The following TAFA5 variants were observed in gnomAD, a reference collection of about 807,000 sequenced individuals.
The protein encoded by TAFA5 is chemokine-like protein TAFA-5.
In TAFA5, 6 loss-of-function variants were observed where a neutral mutation model predicts 15.3. The ratio of observed to expected loss-of-function variants is 0.39; its 90% CI spans 0.21 to 0.77. The LOEUF is 0.77. Among genes scored for constraint, TAFA5 ranks in the 30% least tolerant of loss-of-function variants. TAFA5 has a pLI of 0.41. For missense variants in TAFA5, 161 were observed against 193.1 expected (o/e 0.83, Z 0.98); for synonymous variants, 103 against 80.7 (o/e 1.28, Z -1.48).
intron 1 of TAFA5, among the ~76,000 whole-genome samples, chr22:48,639,443 G>C (rs1569059559): frequency 6.6e-6 from 1 of 152,244 alleles, no homozygotes; most frequent in Non-Finnish European, 1.5e-5. Context: ...CCAGATCTGT[G>C]TCACAGCCTG....
At chr22:48,713,696 C>T (rs943413816) in intron 3 of TAFA5, among the ~76,000 whole-genome samples, 4 of 152,326 alleles carry the variant, frequency 2.6e-5, no homozygotes, top group Admixed American at 1.3e-4. Context: ...CAGCTTGCTA[C>T]GGGGAGGAGC....
intron 1 of TAFA5, chr22:48,546,621 G>C (rs947720278): frequency 2.1e-6 from 1 of 470,966 alleles, no homozygotes; most frequent in East Asian, 6.9e-5. Context: ...GATCAAGAGT[G>C]CGTGAGGGCA....
chr22:48,530,864 T>C lies in TAFA5; in HGVS notation c.112+41160T>C, dbSNP rs181555910. ...GGGCTTCGACAAAGCAGGGGAGAAA[T>C]GTCCCTCGGGTTCCAAATGAAAGTG... On this transcript the variant is annotated intron_variant, in intron 1 of 3. Coordinates refer to ENST00000402357, the MANE Select transcript of TAFA5 (RefSeq NM_001082967.3). The surrounding 1 kb of genome is among the most constrained non-coding windows in gnomAD (Gnocchi z 6.0). Among the ~76,000 whole-genome samples the C allele has an allele frequency of 1.6e-4, 24 of 152,114 alleles. No individual in the cohort carries two copies. The East Asian group carries it at 4.7e-3, about 30-fold the overall frequency.
At chr22:48,585,822 AAC>A (rs1411137958) in intron 1 of TAFA5, among the ~76,000 whole-genome samples, 1 of 152,036 alleles carries the variant, frequency 6.6e-6, no homozygotes, top group East Asian at 1.9e-4. Flanking sequence ...AAAGCGCAGA[AAC>A]ACACCCCCAC....
chr22:48,621,313 T>C (rs1453689261), intron 1 of TAFA5, among the ~76,000 whole-genome samples: 1 of 146,914 alleles, frequency 6.8e-6, no homozygotes, highest in African/African-American at 2.5e-5. Flanking sequence ...CTTCCATCCA[T>C]GCACCCACCC....
intron 2 of TAFA5, among the ~76,000 whole-genome samples, chr22:48,669,835 C>T (rs995509288): frequency 3.9e-5 from 6 of 152,250 alleles, no homozygotes; most frequent in Non-Finnish European, 8.8e-5. Flanking sequence ...CTTTCTGGCC[C>T]TCGCATATGA....
At chr22:48,623,400 T>C (rs1293779696) in intron 1 of TAFA5, among the ~76,000 whole-genome samples, 9 of 142,636 alleles carry the variant, frequency 6.3e-5, no homozygotes, top group South Asian at 4.5e-4. Context: ...ACGGGACGTG[T>C]CGCGTGGCCC....
At chr22:48,600,311 G>A (rs760360575) in intron 1 of TAFA5, among the ~76,000 whole-genome samples, 4 of 152,220 alleles carry the variant, frequency 2.6e-5, no homozygotes, top group African/African-American at 4.8e-5. Context: ...GGAGGTCTGC[G>A]TGAGGGATGC....
intron 3 of TAFA5, among the ~76,000 whole-genome samples, chr22:48,731,614 C>G (rs181171132): frequency 2.6e-5 from 4 of 152,334 alleles, no homozygotes; most frequent in Admixed American, 1.3e-4. Context: ...CGCCTGTGCT[C>G]CATACAACGT....
chr22:48,505,929 C>T (rs1920990459), intron 1 of TAFA5, among the ~76,000 whole-genome samples: 1 of 152,178 alleles, frequency 6.6e-6, no homozygotes, highest in Non-Finnish European at 1.5e-5. Flanking sequence ...ACGGCGTGGT[C>T]CAAGGCCTCG....
At chr22:48,745,610 T>G (rs755247613) in intron 3 of TAFA5, among the ~76,000 whole-genome samples, 1 of 152,216 alleles carries the variant, frequency 6.6e-6, no homozygotes, top group Non-Finnish European at 1.5e-5. Context: ...TATTTTGGCG[T>G]TACAGGAGTT....
At chr22:48,561,609 T>C (rs1295447057) in intron 1 of TAFA5, among the ~76,000 whole-genome samples, 1 of 152,168 alleles carries the variant, frequency 6.6e-6, no homozygotes, top group Non-Finnish European at 1.5e-5. Flanking sequence ...CTGGAATGCT[T>C]GGCTTTGTGA....
At chr22:48,508,333 G>GT (rs1555923981) in intron 1 of TAFA5, among the ~76,000 whole-genome samples, 6 of 152,254 alleles carry the variant, frequency 3.9e-5, no homozygotes, top group African/African-American at 1.4e-4. Flanking sequence ...CAGGGCTGCC[G>GT]CCCCCCCAGA....
At chr22:48,700,171 C>A (rs58760612) in intron 2 of TAFA5, among the ~76,000 whole-genome samples, 2 of 151,506 alleles carry the variant, frequency 1.3e-5, no homozygotes, top group African/African-American at 2.4e-5. Flanking sequence ...TCCCGAAACC[C>A]TTCTTTCATC....
At chr22:48,575,877 C>CGGT (rs1000297063) in intron 1 of TAFA5, among the ~76,000 whole-genome samples, 2 of 142,326 alleles carry the variant, frequency 1.4e-5, no homozygotes, top group East Asian at 4.2e-4. Context: ...GCCGCGGCGG[C>CGGT]GGTGGCGGCG....
At position 48,560,083 on chromosome 22, in the gene TAFA5, G is replaced by A. The variant is rs1419123197; in HGVS notation, c.112+70379G>A. Among the ~76,000 whole-genome samples, 2 of 152,206 alleles carry A rather than the reference G, an allele frequency of 1.3e-5. No homozygotes were observed. Among genetic ancestry groups the A allele is most frequent in the Non-Finnish European group, 2.9e-5 (2 of 68,034 alleles). On this transcript the variant is annotated intron_variant, in intron 1 of 3. Transcript: ENST00000402357. This position sits in a 1 kb window ranked among gnomAD's most constrained non-coding sequence, Gnocchi z 4.2. Reference sequence around the variant, plus strand: ...TCAGGCAGCTGCCCTGGCCACCGATGCCTTCGCAGCATAGGATTTGGGGAC... The same window carrying A: ...TCAGGCAGCTGCCCTGGCCACCGATACCTTCGCAGCATAGGATTTGGGGAC...
chr22:48,508,700 G>C (rs1921101210), intron 1 of TAFA5, among the ~76,000 whole-genome samples: 1 of 152,124 alleles, frequency 6.6e-6, no homozygotes, highest in Non-Finnish European at 1.5e-5. Flanking sequence ...GTAAAATAAT[G>C]GTACATATTT....
chr22:48,616,062 A>G (rs1436791943), intron 1 of TAFA5, among the ~76,000 whole-genome samples: 1 of 151,892 alleles, frequency 6.6e-6, no homozygotes, highest in Non-Finnish European at 1.5e-5. Context: ...CTTTCCTTTG[A>G]GAAACACCGG....
At chr22:48,591,839 C>T (rs1601600851) in intron 1 of TAFA5, among the ~76,000 whole-genome samples, 1 of 152,192 alleles carries the variant, frequency 6.6e-6, no homozygotes, top group Non-Finnish European at 1.5e-5. Flanking sequence ...TCCAGCCCCT[C>T]CCGACCTCCC....
Sources: gnomAD v4.1 joint callset for allele counts (sites outside exome capture counted in the v4.1 genomes callset) on GRCh38, gnomAD v4.1.1 for gene constraint, Gnocchi (gnomAD v3.1) non-coding constraint, MANE v1.5 for transcripts, NCBI Gene and HGNC (gene_info 2026-07-23, HGNC 2026-07-21) for gene names.